The following BDP1 variants were observed in gnomAD, a reference collection of about 807,000 sequenced individuals.
BDP1 encodes BDP1 general transcription factor IIIB subunit.
In BDP1, 169 loss-of-function variants were observed where a neutral mutation model predicts 266.6. That is an observed-to-expected ratio of 0.63 (90% CI 0.56 to 0.72). The LOEUF (loss-of-function observed/expected upper bound fraction) is 0.72. Ranked by LOEUF, BDP1 falls within the 30% of genes least tolerant of loss-of-function variation. The probability of loss-of-function intolerance (pLI) is 0.00; values close to 1 mark genes in which losing one functional copy is unlikely to be tolerated. For synonymous variants in BDP1, 1,090 were observed against 1,022.4 expected (o/e 1.07, Z -1.26); for missense variants, 3,015 against 3,053.8 (o/e 0.99, Z 0.30).
chr5:71,571,297 A>G (rs1172634954), downstream of BDP1, among the ~76,000 whole-genome samples: 2 of 152,194 alleles, frequency 1.3e-5, no homozygotes, highest in East Asian at 3.9e-4. Flanking sequence ...GGTGCATGCC[A>G]CCGTGCCTGG....
At chr5:71,575,835 G>A in the BDP1 span, among the ~76,000 whole-genome samples, 1 of 152,144 alleles carries the variant, frequency 6.6e-6, no homozygotes, top group South Asian at 2.1e-4. Flanking sequence ...GTTTCCTACT[G>A]CTTACATCAT....
chr5:71,478,054 C>T (rs1186515848), intron 7 of BDP1, among the ~76,000 whole-genome samples: 1 of 152,118 alleles, frequency 6.6e-6, no homozygotes, highest in African/African-American at 2.4e-5. Flanking sequence ...AGTTCGAGAC[C>T]AGGCTGACCA....
rs546830062 is a variant in BDP1, at chr5:71,561,823, C to G, written c.7497-451C>G. Among the ~76,000 whole-genome samples the G allele has an allele frequency of 2.9e-3, 437 of 152,244 alleles. 1 individual carries two copies. Among genetic ancestry groups the G allele is most frequent in the Non-Finnish European group, 2.9e-3 (194 of 68,016 alleles). The stretch of plus-strand genomic sequence containing the variant: ...TGCGAATCTTCATTTTAATAAGATC[C>G]CCAAGTGATTTGAATGCTAGAGATG... On this transcript the variant is annotated intron_variant, in intron 37 of 38. Coordinates refer to ENST00000358731, the MANE Select transcript of BDP1 (RefSeq NM_018429.3).
At chr5:71,511,435 TAGAG>T (rs1162327833) in intron 17 of BDP1, 5 of 310,474 alleles carry the variant, frequency 1.6e-5, no homozygotes, top group Non-Finnish European at 2.9e-5. Flanking sequence ...CTGGGCAACA[TAGAG>T]AGACCTTGTC....
chr5:71,555,556 C>T (rs1301593031), intron 35 of BDP1, among the ~76,000 whole-genome samples: 3 of 151,944 alleles, frequency 2.0e-5, no homozygotes, highest in African/African-American at 7.2e-5. Flanking sequence ...TCTCCTGCCT[C>T]AGCCTCCCGA....
At chr5:71,526,685 GTTTTTT>G (rs35962090) in intron 25 of BDP1, among the ~76,000 whole-genome samples, 1 of 118,940 alleles carries the variant, frequency 8.4e-6, no homozygotes, top group Admixed American at 8.8e-5. Flanking sequence ...CTCTCTCTCT[GTTTTTT>G]TTTTTTTTTT....
In BDP1 at chr5:71,509,651, A is replaced by G. The variant is rs1197932703; in HGVS notation, c.2559A>G (p.Leu853=). Residue 853 remains leucine (L), a synonymous_variant, in exon 17 of 39, where the codon CTA becomes CTG. Transcript: ENST00000358731. ...MAAALRETVR[L]DTSPKEMVPA... is the part of the protein sequence containing the mutation. Reference sequence around the variant, plus strand: ...CAGCATTGAGAGAAACTGTAAGACTAGACACCTCACCAAAGGAGATGGTAC... The same window carrying G: ...CAGCATTGAGAGAAACTGTAAGACTGGACACCTCACCAAAGGAGATGGTAC... 3 of 1,613,104 alleles carry G rather than the reference A, an allele frequency of 1.9e-6. No individual in the cohort carries two copies. Among genetic ancestry groups the G allele is most frequent in the African/African-American group, 1.3e-5 (1 of 74,800 alleles).
intron 4 of BDP1, among the ~76,000 whole-genome samples, chr5:71,465,273 A>G (rs1761834855): frequency 6.7e-6 from 1 of 149,642 alleles, no homozygotes; most frequent in Non-Finnish European, 1.5e-5. Flanking sequence ...AACTATAAGC[A>G]TTATTATTAT....
downstream of BDP1, among the ~76,000 whole-genome samples, chr5:71,570,836 A>AATT (rs1491258374): frequency 2.0e-5 from 3 of 152,012 alleles, no homozygotes; most frequent in African/African-American, 7.3e-5. Context: ...GACTTTAAAG[A>AATT]AAAGAGTGTC....
At chr5:71,540,019 G>T (rs1766866938) in intron 28 of BDP1, among the ~76,000 whole-genome samples, 1 of 152,122 alleles carries the variant, frequency 6.6e-6, no homozygotes, top group Non-Finnish European at 1.5e-5. Flanking sequence ...TTGCAAAGGA[G>T]TTGCTGCTTG....
downstream of BDP1, among the ~76,000 whole-genome samples, chr5:71,571,444 G>A (rs937425661): frequency 1.3e-5 from 2 of 152,114 alleles, no homozygotes; most frequent in Non-Finnish European, 2.9e-5. Context: ...CACCGCACCT[G>A]GCCCCTGGAA....
intron 11 of BDP1, among the ~76,000 whole-genome samples, chr5:71,493,384 C>T (rs186224561): frequency 9.8e-4 from 149 of 152,236 alleles, no homozygotes; most frequent in Non-Finnish European, 1.6e-3. Context: ...CTCAGCATCT[C>T]GAGTAGCTGG....
In BDP1 at chr5:71,514,963, T is replaced by TA. The variant is rs1394237891; in HGVS notation, c.4491dup (p.Ser1498IlefsTer12). On this transcript the variant is annotated frameshift_variant, in exon 20 of 39. Coordinates refer to ENST00000358731, the MANE Select transcript of BDP1 (RefSeq NM_018429.3). LOFTEE classifies it high-confidence loss of function. Reference sequence around the variant, plus strand: ...TTCTAGGATGAAGCTTCCCTAATGATATCAAGAGAAAAAGACACATTAGGT... The same window carrying TA: ...TTCTAGGATGAAGCTTCCCTAATGATAATCAAGAGAAAAAGACACATTAGGT... 6.2e-7 allele frequency: 1 copy of TA among 1,606,408 alleles called. No homozygotes were observed. Among genetic ancestry groups the TA allele is most frequent in the East Asian group, 2.2e-5 (1 of 44,690 alleles).
In BDP1 at chr5:71,461,797, CTG is replaced by C; in HGVS notation, c.490-14_490-13del. ...TTCTTTAATATTTATAAAAGTGGAT[CTG>C]TGTGTTTATGTATACAGAAACAATG... On this transcript the variant is annotated intron_variant, in intron 2 of 38. Transcript: ENST00000358731. 4 of 1,304,068 alleles carry C rather than the reference CTG, an allele frequency of 3.1e-6. No individual in the cohort carries two copies. Among genetic ancestry groups the C allele is most frequent in the Non-Finnish European group, 4.4e-6 (4 of 914,310 alleles). The allele number at this position is 1,304,068 out of a possible 1,614,324, so 80.8% of individuals were successfully genotyped here. A position where few individuals can be genotyped will look rare whatever the true frequency, so the allele number is the denominator to read the frequency against.
In BDP1 at chr5:71,548,688, C is replaced by A; in HGVS notation, c.6751C>A (p.Pro2251Thr). Residue 2251 changes from proline to threonine, a missense_variant, in exon 33 of 39, where the codon CCA becomes ACA. Around this residue, in one of 3 missense-constraint regions of BDP1, gnomAD observed 629 missense variants for 632.5 expected, o/e 0.99. Coordinates refer to ENST00000358731, the MANE Select transcript of BDP1 (RefSeq NM_018429.3). ...VLTLPVPEYTPTSIPEVQQEN... is the reference protein window; with the variant it reads ...VLTLPVPEYTTTSIPEVQQEN... ...TTTTAATTTTTTATGGCAGTATACA[C>A]CAACAAGTATTCCAGAAGTCCAACA... The A allele has an allele frequency of 6.2e-7, 1 of 1,604,820 alleles. No homozygotes were observed. The highest frequency in any genetic ancestry group is 8.5e-7 in the Non-Finnish European group (1 of 1,172,458).
chr5:71,560,293 C>G, intron 37 of BDP1, 56 bp downstream of exon 37: 1 of 1,532,568 alleles, frequency 6.5e-7, no homozygotes, highest in Non-Finnish European at 8.9e-7. Context: ...TAAATATAAC[C>G]TATACAGAAC....
chr5:71,574,909 T>C, the BDP1 span, among the ~76,000 whole-genome samples: 1 of 152,200 alleles, frequency 6.6e-6, no homozygotes, highest in Non-Finnish European at 1.5e-5. Flanking sequence ...TTTATGGGCT[T>C]ATGGATATGG....
At chr5:71,556,068 AAAT>A (rs1743198455) in intron 35 of BDP1, among the ~76,000 whole-genome samples, 1 of 151,948 alleles carries the variant, frequency 6.6e-6, no homozygotes, top group Non-Finnish European at 1.5e-5. Context: ...TTCTTCATAT[AAAT>A]CTTACACATT....
At chr5:71,554,586 T>A (rs1450436223) in intron 35 of BDP1, among the ~76,000 whole-genome samples, 1 of 152,214 alleles carries the variant, frequency 6.6e-6, no homozygotes, top group Admixed American at 6.5e-5. Context: ...AAAAATATCT[T>A]TAATGACATG....
Sources: gnomAD v4.1 joint callset for allele counts (sites outside exome capture counted in the v4.1 genomes callset) on GRCh38, gnomAD v4.1.1 for gene constraint, gnomAD v4.1.1 regional missense constraint, MANE v1.5 for transcripts, NCBI Gene and HGNC (gene_info 2026-07-23, HGNC 2026-07-21) for gene names.